Variants in HMOX2 observed in about 807,000 individuals in gnomAD.
HMOX2 encodes heme oxygenase (decycling) 2.
HMOX2 carries 30 observed loss-of-function variants against 33.7 expected under a neutral mutation model. The observed-to-expected ratio is 0.89, with a 90% confidence interval of 0.67 to 1.21. HMOX2 has a LOEUF of 1.21. HMOX2 is among the 50% of genes most tolerant of loss of function. The pLI is 0.00. For missense variants in HMOX2, 403 were observed against 399.1 expected, an observed-to-expected ratio of 1.01 and a Z score of -0.08; for synonymous variants, 155 against 155.0, an observed-to-expected ratio of 1.00 and a Z score of 0.00.
chr16:4,489,971 G>A (rs2058266281), intron 1 of HMOX2, among the ~76,000 whole-genome samples: 1 of 152,158 alleles, frequency 6.6e-6, no homozygotes, highest in Non-Finnish European at 1.5e-5. Flanking sequence ...CTTTGAGAAT[G>A]CCTCAATTTT....
At chr16:4,477,156 C>T (rs540300234) in intron 1 of HMOX2, among the ~76,000 whole-genome samples, 6 of 152,046 alleles carry the variant, frequency 3.9e-5, no homozygotes, top group Admixed American at 3.9e-4. Context: ...CAAAAGCTGC[C>T]GGGACCTCCT....
chr16:4,487,668 C>T (rs945194887), intron 1 of HMOX2, among the ~76,000 whole-genome samples: 16 of 152,146 alleles, frequency 1.1e-4, no homozygotes, highest in African/African-American at 3.1e-4. Context: ...GGCGTGGTGG[C>T]TGGCGCCTGT....
chr16:4,498,399 T>G (rs1403645273), intron 1 of HMOX2, among the ~76,000 whole-genome samples: 1 of 151,448 alleles, frequency 6.6e-6, no homozygotes, highest in Non-Finnish European at 1.5e-5. Flanking sequence ...TTTTTTTTTT[T>G]GCATCTCACT....
chr16:4,475,614 C>A (rs187751627), upstream of HMOX2, among the ~76,000 whole-genome samples: 441 of 151,994 alleles, frequency 2.9e-3, 3 homozygotes, highest in African/African-American at 0.01. Context: ...ACCCGGCCCA[C>A]GATTTCAGTA....
At position 4,509,500 on chromosome 16, in the gene HMOX2, T is replaced by C. The variant is rs761786899; in HGVS notation, c.785T>C (p.Met262Thr). Reference protein sequence around the residue: ...GFPVHDGKGDMRKCPFYAAEQ... With the variant: ...GFPVHDGKGDTRKCPFYAAEQ... ...CCTGTACACGATGGGAAAGGAGACATGCGTAAATGCCCTTTCTACGCTGCT... is the reference window on the plus strand; with the variant it reads ...CCTGTACACGATGGGAAAGGAGACACGCGTAAATGCCCTTTCTACGCTGCT... The change falls in exon 5 of 6, where the codon ATG becomes ACG. Residue 262 changes from methionine (M) to threonine (T), a missense_variant. By Grantham distance (81) the Met-to-Thr change is moderately conservative. Coordinates refer to ENST00000570646, the MANE Select transcript of HMOX2 (RefSeq NM_002134.4). The C allele has an allele frequency of 6.2e-7, 1 of 1,614,146 alleles. No homozygotes were observed. The highest frequency in any genetic ancestry group is 1.1e-5 in the South Asian group (1 of 91,084).
chr16:4,504,724 T>C (rs951702160), intron 1 of HMOX2, among the ~76,000 whole-genome samples: 12 of 144,884 alleles, frequency 8.3e-5, no homozygotes. Flanking sequence ...AGTTTCGCTC[T>C]TGTTGCCCAG....
chr16:4,481,074 C>T (rs1331025963), intron 1 of HMOX2, among the ~76,000 whole-genome samples: 1 of 151,222 alleles, frequency 6.6e-6, no homozygotes, highest in Admixed American at 6.6e-5. Flanking sequence ...GGTCCGGGCG[C>T]GGTGGCTCGC....
At chr16:4,485,793 C>T (rs1299257447) in intron 1 of HMOX2, among the ~76,000 whole-genome samples, 7 of 152,104 alleles carry the variant, frequency 4.6e-5, no homozygotes, top group Non-Finnish European at 7.4e-5. Context: ...GGCTTGATCT[C>T]GGCTCACTGC....
intron 1 of HMOX2, among the ~76,000 whole-genome samples, chr16:4,480,756 G>A (rs887193497): frequency 2.7e-5 from 4 of 149,242 alleles, no homozygotes; most frequent in South Asian, 2.1e-4. Context: ...AGGTTTAAGC[G>A]ATTCTCCTGC....
chr16:4,479,707 C>A, intron 1 of HMOX2: 1 of 152,226 alleles, frequency 6.6e-6, no homozygotes, highest in Non-Finnish European at 1.4e-5. Context: ...TTGTACCCAG[C>A]CTGCCTTTTT....
Position 4,507,886 on chromosome 16 carries a change from G to T in HMOX2, c.378G>T (p.Gln126His). Residue 126 changes from glutamine to histidine, a missense_variant, in exon 4 of 6, where the codon CAG (glutamine) becomes CAT (histidine). By Grantham distance (24) the Gln-to-His change is conservative. Coordinates refer to ENST00000570646, the MANE Select transcript of HMOX2 (RefSeq NM_002134.4). The stretch of plus-strand genomic sequence containing the variant: ...GTGAAAACTGGGAGGAGCAGGTGCA[G>T]TGCCCCAAGGCTGCCCAGAAGTACG... ...FFGENWEEQVQCPKAAQKYVE... is the reference protein window; with the variant it reads ...FFGENWEEQVHCPKAAQKYVE... 6.2e-7 allele frequency: 1 copy of T among 1,614,192 alleles called. No individual in the cohort carries two copies. The highest frequency in any genetic ancestry group is 8.5e-7 in the Non-Finnish European group (1 of 1,180,034).
At position 4,509,866 on chromosome 16, in the gene HMOX2, G is replaced by A. The variant is rs2058795756; in HGVS notation, c.*110G>A. ...CAGGTGACTTTTTAAAAAATGCTGG[G>A]TTTAAGAAAGGCAACCAATAAAAGC... On this transcript the variant is annotated 3_prime_UTR_variant, in exon 6 of 6. Coordinates refer to ENST00000570646, the MANE Select transcript of HMOX2 (RefSeq NM_002134.4). The A allele has an allele frequency of 7.8e-7, 1 of 1,275,020 alleles. No homozygotes were observed. The highest frequency in any genetic ancestry group is 1.1e-6 in the Non-Finnish European group (1 of 935,298). 79.0% of individuals were successfully genotyped at this position (1,275,020 alleles called of 1,614,324 possible).
At chr16:4,504,854 T>G (rs1277151550) in intron 1 of HMOX2, among the ~76,000 whole-genome samples, 1 of 151,830 alleles carries the variant, frequency 6.6e-6, no homozygotes, top group Non-Finnish European at 1.5e-5. Flanking sequence ...CATGCCCGGC[T>G]ATTTTTTGTA....
intron 1 of HMOX2, among the ~76,000 whole-genome samples, chr16:4,477,448 G>A (rs2057890505): frequency 6.9e-6 from 1 of 144,176 alleles, no homozygotes; most frequent in African/African-American, 2.6e-5. Flanking sequence ...GCAGTGAGCC[G>A]AGATCACGCC....
At chr16:4,475,310 G>C (rs550938042), upstream of HMOX2, among the ~76,000 whole-genome samples, 1 of 147,850 alleles carries the variant, frequency 6.8e-6, no homozygotes, top group African/African-American at 2.5e-5. Flanking sequence ...TTTTGTTTTT[G>C]TTTTTTGTTT....
At chr16:4,480,385 C>G (rs977878112) in intron 1 of HMOX2, among the ~76,000 whole-genome samples, 6 of 143,964 alleles carry the variant, frequency 4.2e-5, no homozygotes, top group African/African-American at 1.0e-4. Context: ...TGCTCTGTCA[C>G]CAGGGCTGGA....
Position 4,482,886 on chromosome 16 carries a change from C to T in HMOX2, c.-42+6399C>T, listed in dbSNP as rs185172104. Among the ~76,000 whole-genome samples, 8 of 151,966 alleles carry T rather than the reference C, an allele frequency of 5.3e-5. No homozygotes were observed. In the East Asian group the frequency reaches 1.4e-3, roughly 26 times the overall value. The stretch of plus-strand genomic sequence containing the variant: ...CTAGTAAAAATACAAAAAAATTAGC[C>T]GGGTGTGGTCGTGCATGCCTGTAGT... On this transcript the variant is annotated intron_variant, in intron 1 of 5. Coordinates refer to ENST00000570646, the MANE Select transcript of HMOX2 (RefSeq NM_002134.4).
At chr16:4,496,126 CTT>C (rs35152645) in intron 1 of HMOX2, 96,737 of 141,086 alleles carry the variant, frequency 0.69, 33,074 homozygotes, top group Non-Finnish European at 0.73. Flanking sequence ...ACTTTTCTTT[CTT>C]TTTTTTTTTT....
At chr16:4,483,025 GA>G (rs1008122295) in intron 1 of HMOX2, among the ~76,000 whole-genome samples, 6 of 150,616 alleles carry the variant, frequency 4.0e-5, no homozygotes, top group Non-Finnish European at 5.9e-5. Context: ...CAGACTGGAA[GA>G]AAAAAAAAGG....
Sources: gnomAD v4.1 joint callset for allele counts (sites outside exome capture counted in the v4.1 genomes callset) on GRCh38, gnomAD v4.1.1 for gene constraint, MANE v1.5 for transcripts, NCBI Gene and HGNC (gene_info 2026-07-23, HGNC 2026-07-21) for gene names.